Variants in TMEM67 observed in about 807,000 individuals in gnomAD.
The protein encoded by TMEM67 is transmembrane protein 67.
In TMEM67, 124 loss-of-function variants were observed where a neutral mutation model predicts 136.6. That is an observed-to-expected ratio of 0.91 (90% CI 0.78 to 1.05). The LOEUF is 1.05. Ranked by LOEUF, TMEM67 falls within the 50% of genes least tolerant of loss-of-function variation. The pLI is 0.00. For missense variants in TMEM67, 1,107 were observed against 1,178.4 expected, an observed-to-expected ratio of 0.94 and a Z score of 0.89; for synonymous variants, 364 against 390.5, an observed-to-expected ratio of 0.93 and a Z score of 0.80.
rs1021665885 is a variant in TMEM67 at position 93,809,161 on chromosome 8, T to C, written c.2661T>C (p.His887=). 1.4e-6 allele frequency: 2 copies of C among 1,478,298 alleles called. No homozygotes were observed. The highest frequency in any genetic ancestry group is 1.4e-5 in the African/African-American group (1 of 72,202). The allele number at this position is 1,478,298 out of a possible 1,614,324, so 91.6% of individuals were successfully genotyped here. ...AATTTCTTGGCTCCTTCATTGACCA[T>C]GTATGTATGTCAACATTTATATTTA... ...MNKFLGSFID[H]VHKEMDYFIK... is the part of the protein sequence containing the mutation. The change falls in exon 25 of 28, where the codon CAT becomes CAC. Residue 887 remains histidine (H), a splice_region_variant and synonymous_variant. Coordinates refer to ENST00000453321, the MANE Select transcript of TMEM67 (RefSeq NM_153704.6).
intron 23 of TMEM67, among the ~76,000 whole-genome samples, chr8:93,805,794 TG>T (rs1203724936): frequency 1.3e-5 from 2 of 152,202 alleles, no homozygotes; most frequent in Non-Finnish European, 2.9e-5. Flanking sequence ...AATGGATTGA[TG>T]AATGTAAGCT....
intron 15 of TMEM67, among the ~76,000 whole-genome samples, chr8:93,792,308 A>T (rs868444622): frequency 1.1e-4 from 17 of 152,038 alleles, no homozygotes; most frequent in African/African-American, 3.9e-4. Flanking sequence ...AGTAGCTGGG[A>T]TTACGGGCAC....
intron 27 of TMEM67, 31 bp from the exon 28 acceptor site, chr8:93,816,341 C>A: frequency 9.2e-7 from 1 of 1,091,962 alleles, no homozygotes; most frequent in South Asian, 1.4e-5. Flanking sequence ...GTTTATATTT[C>A]TTTTCATTCT....
chr8:93,774,839 T>G (rs1026103026), intron 7 of TMEM67, among the ~76,000 whole-genome samples: 10 of 152,238 alleles, frequency 6.6e-5, no homozygotes, highest in Non-Finnish European at 8.8e-5. Flanking sequence ...TGTGTCTTTA[T>G]AGTAGCATGA....
At chr8:93,758,295 A>G (rs1812673289) in intron 2 of TMEM67, among the ~76,000 whole-genome samples, 188 bp from the exon 3 acceptor site, 1 of 152,218 alleles carries the variant, frequency 6.6e-6, no homozygotes, top group Admixed American at 6.5e-5. Flanking sequence ...ACATAGTGAT[A>G]ATATAGAGCT....
chr8:93,809,561 T>C (rs1808611621), intron 25 of TMEM67, among the ~76,000 whole-genome samples: 1 of 152,210 alleles, frequency 6.6e-6, no homozygotes, highest in African/African-American at 2.4e-5. Context: ...AAATTGATTT[T>C]CACTATATCT....
intron 14 of TMEM67, 84 bp downstream of exon 14, chr8:93,788,033 C>A: frequency 7.7e-6 from 6 of 777,226 alleles, no homozygotes; most frequent in Non-Finnish European, 1.3e-5. Flanking sequence ...AAAAGACAGT[C>A]TTTTTTTTTT....
At chr8:93,820,275 C>T (rs770476666), downstream of TMEM67, among the ~76,000 whole-genome samples, 3 of 152,100 alleles carry the variant, frequency 2.0e-5, no homozygotes, top group Non-Finnish European at 2.9e-5. Flanking sequence ...ATTCCTCACT[C>T]ATCACTACAT....
intron 21 of TMEM67, among the ~76,000 whole-genome samples, chr8:93,802,005 C>G (rs1814892015): frequency 6.6e-6 from 1 of 152,164 alleles, no homozygotes; most frequent in Non-Finnish European, 1.5e-5. Context: ...TGTAGAGAGT[C>G]TAAAGCAATA....
chr8:93,809,889 T>A lies in TMEM67; in HGVS notation c.2764+2T>A, dbSNP rs1293481687. The A allele has an allele frequency of 1.3e-6, 2 of 1,563,788 alleles. No homozygotes were observed. The highest frequency in any genetic ancestry group is 1.8e-6 in the Non-Finnish European group (2 of 1,134,886). On this transcript the variant is annotated splice_donor_variant, in intron 26 of 27. Transcript: ENST00000453321. LOFTEE classifies it high-confidence loss of function. ...TGGAAAAAAGCATCTTTTACAATGG[T>A]ATCTTCTAAATCCCTTTGTAGAACT...
chr8:93,769,650 C>A (rs1317914129), intron 6 of TMEM67: 1 of 167,020 alleles, frequency 6.0e-6, no homozygotes, highest in Non-Finnish European at 1.5e-5. Flanking sequence ...GTTTGACTAC[C>A]CTTGCCTAGT....
At chr8:93,807,872 C>G (rs1335505195) in intron 23 of TMEM67, among the ~76,000 whole-genome samples, 5 of 151,824 alleles carry the variant, frequency 3.3e-5, no homozygotes, top group African/African-American at 1.2e-4. Flanking sequence ...TCAATCAAAT[C>G]AAAATTTTTT....
chr8:93,773,476 C>T (rs1326028147), intron 7 of TMEM67, among the ~76,000 whole-genome samples: 3 of 152,132 alleles, frequency 2.0e-5, no homozygotes, highest in Non-Finnish European at 2.9e-5. Flanking sequence ...GAGAGTATTA[C>T]AGTAATCTGA....
intron 18 of TMEM67, among the ~76,000 whole-genome samples, chr8:93,796,415 A>G (rs1814619288): frequency 6.6e-6 from 1 of 152,144 alleles, no homozygotes; most frequent in Admixed American, 6.6e-5. Flanking sequence ...TGGCCCCCCA[A>G]TCCCCAACTC....
chr8:93,804,088 C>T (rs779551500), intron 22 of TMEM67, among the ~76,000 whole-genome samples: 6 of 151,614 alleles, frequency 4.0e-5, no homozygotes, highest in Admixed American at 1.3e-4. Context: ...CCCATGTTGG[C>T]CAGGCTGGTC....
chr8:93,815,209 C>T, intron 26 of TMEM67, 96 bp from the exon 27 acceptor site: 1 of 765,510 alleles, frequency 1.3e-6, no homozygotes, highest in Non-Finnish European at 2.1e-6. Context: ...TTCTAATGTG[C>T]TGTTTTTAAA....
the TMEM67 span, among the ~76,000 whole-genome samples, chr8:93,827,783 G>A: frequency 1.3e-5 from 2 of 150,540 alleles, no homozygotes; most frequent in Non-Finnish European, 3.0e-5. Context: ...TTTTACTATG[G>A]AACACTGGTT....
At chr8:93,792,691 A>G (rs79885680) in intron 15 of TMEM67, among the ~76,000 whole-genome samples, 13 of 150,644 alleles carry the variant, frequency 8.6e-5, no homozygotes, top group African/African-American at 2.7e-4. Flanking sequence ...AGTAATTATA[A>G]TATATTATTA....
intron 23 of TMEM67, among the ~76,000 whole-genome samples, chr8:93,806,809 T>C (rs1815169125): frequency 6.6e-6 from 1 of 152,100 alleles, no homozygotes; most frequent in Non-Finnish European, 1.5e-5. Context: ...GACTGGGAGA[T>C]GATATTCTAA....
Sources: allele counts gnomAD v4.1 joint callset (sites outside exome capture counted in the v4.1 genomes callset), GRCh38; gene constraint gnomAD v4.1.1; transcripts MANE v1.5; gene names NCBI Gene and HGNC (gene_info 2026-07-23, HGNC 2026-07-21).